Variants in DNAH10 observed in about 807,000 individuals in gnomAD.
DNAH10 encodes dynein axonemal heavy chain 10.
DNAH10 carries 348 observed loss-of-function variants against 506.6 expected under a neutral mutation model. That is an observed-to-expected ratio of 0.69 (90% CI 0.63 to 0.75). The LOEUF (loss-of-function observed/expected upper bound fraction) is 0.75, where lower values mean the gene tolerates loss of function less well. DNAH10 is among the 30% of genes least tolerant of loss of function. The pLI is 0.00. For missense variants in DNAH10, 5,179 were observed against 5,787.1 expected (o/e 0.89, Z 3.41); for synonymous variants, 2,059 against 2,198.6 (o/e 0.94, Z 1.78).
At chr12:123,883,432 A>T (rs1952596695) in intron 51 of DNAH10, among the ~76,000 whole-genome samples, 1 of 152,184 alleles carries the variant, frequency 6.6e-6, no homozygotes, top group Admixed American at 6.5e-5. Context: ...TGGAGCAGAC[A>T]CTATGCATTG....
At chr12:123,915,131 A>C in intron 62 of DNAH10, 132 bp downstream of exon 62, 5 of 1,256,510 alleles carry the variant, frequency 4.0e-6, no homozygotes, top group African/African-American at 1.5e-5. Context: ...CCTGACCCCC[A>C]TGCGGAGCCC....
chr12:123,805,810 T>C (rs1478638556), intron 18 of DNAH10, among the ~76,000 whole-genome samples: 1 of 149,686 alleles, frequency 6.7e-6, no homozygotes, highest in Non-Finnish European at 1.5e-5. Flanking sequence ...AGAGTCTCGC[T>C]CTGTCGCCCA....
Position 123,850,939 on chromosome 12 carries a change from A to G in DNAH10, c.6154A>G (p.Met2052Val), listed in dbSNP as rs952461021. The change falls in exon 35 of 79, where the codon ATG becomes GTG. Residue 2052 changes from methionine (M) to valine (V), a missense_variant. Physicochemically the swap from Met to Val is conservative, Grantham distance 21. Coordinates refer to ENST00000673944, the MANE Select transcript of DNAH10 (RefSeq NM_001372106.1). This position sits in a 1 kb window ranked among gnomAD's most constrained non-coding sequence, Gnocchi z 5.5. ...LDSRMGIFIT[M>V]NPGYAGRTEL... ...CTCCCGCATGGGCATCTTCATCACC[A>G]TGAACCCCGGCTACGCAGGCCGCAC... is the stretch of plus-strand genomic sequence containing the variant. 6.2e-7 allele frequency: 1 copy of G among 1,613,854 alleles called. No individual in the cohort carries two copies. The highest frequency in any genetic ancestry group is 8.5e-7 in the Non-Finnish European group (1 of 1,179,882).
rs373563019 is a variant in DNAH10, at chr12:123,873,680, G to C, written c.7908G>C (p.Leu2636=). 6.2e-7 allele frequency: 1 copy of C among 1,612,144 alleles called. No individual in the cohort carries two copies. Among genetic ancestry groups the C allele is most frequent in the South Asian group, 1.1e-5 (1 of 90,682 alleles). The change falls in exon 46 of 79, where the codon CTG becomes CTC. Residue 2636 remains leucine (L), a synonymous_variant. Coordinates refer to ENST00000673944, the MANE Select transcript of DNAH10 (RefSeq NM_001372106.1). ...TYGPPMGKRL[L]VFMDDMNMPR... ...GCCCACCCATGGGAAAACGCCTGCT[G>C]GTGTTCATGGATGACATGAATATGC...
At chr12:123,807,065 G>A (rs1958706115) in intron 18 of DNAH10, among the ~76,000 whole-genome samples, 2 of 152,106 alleles carry the variant, frequency 1.3e-5, no homozygotes. Context: ...ACCGCGCCTG[G>A]CCCTGCTATG....
chr12:123,848,929 T>C, intron 34 of DNAH10, 47 bp downstream of exon 34: 1 of 1,600,238 alleles, frequency 6.2e-7, no homozygotes, highest in Non-Finnish European at 8.5e-7. Context: ...GATGGAAGTT[T>C]GCCAAGTATG....
chr12:123,850,448 C>T lies in DNAH10; in HGVS notation c.6103-440C>T, dbSNP rs916751166. On this transcript the variant is annotated intron_variant, in intron 34 of 78. Coordinates refer to ENST00000673944, the MANE Select transcript of DNAH10 (RefSeq NM_001372106.1). This position sits in a 1 kb window ranked among gnomAD's most constrained non-coding sequence, Gnocchi z 5.5. ...GCCAGGTGAGAGGAATGGAAGCCGG[C>T]GCTGTGTGAGGTGGTGGGCTGGGCG... is the stretch of plus-strand genomic sequence containing the variant. Among the ~76,000 whole-genome samples the T allele has an allele frequency of 2.0e-5, 3 of 152,118 alleles. No individual in the cohort carries two copies. The highest frequency in any genetic ancestry group is 4.4e-5 in the Non-Finnish European group (3 of 68,016).
chr12:123,765,561 A>AT (rs368852149), intron 1 of DNAH10, among the ~76,000 whole-genome samples: 17,350 of 95,810 alleles, frequency 0.18, 2,052 homozygotes, highest in African/African-American at 0.37. Context: ...ATCTATCTAT[A>AT]CTTTATCTAT....
At chr12:123,832,197 T>A (rs1960633087) in intron 26 of DNAH10, among the ~76,000 whole-genome samples, 1 of 152,144 alleles carries the variant, frequency 6.6e-6, no homozygotes, top group East Asian at 1.9e-4. Context: ...CACGTACACA[T>A]AATATATATA....
chr12:123,822,539 C>G (rs932901448), intron 24 of DNAH10, among the ~76,000 whole-genome samples: 4 of 152,170 alleles, frequency 2.6e-5, no homozygotes, highest in African/African-American at 9.7e-5. Context: ...TAATCTACAT[C>G]TGTATTACAT....
Position 123,785,880 on chromosome 12 carries a change from C to G in DNAH10, c.1365C>G (p.Ile455Met), listed in dbSNP as rs767513669. Residue 455 changes from isoleucine (I) to methionine (M), a missense_variant, in exon 9 of 79, where the codon ATC (isoleucine) becomes ATG (methionine). By Grantham distance (10) the Ile-to-Met change is conservative. This residue lies in a region of DNAH10 where 4,844 missense variants were observed against 5,430.5 expected (regional missense o/e 0.89). Coordinates refer to ENST00000673944, the MANE Select transcript of DNAH10 (RefSeq NM_001372106.1). This position sits in a 1 kb window ranked among gnomAD's most constrained non-coding sequence, Gnocchi z 4.1. ...GGATGATTCCGCTCATGGAGCGCAT[C>G]GCCTGGGAAATCGCTGAGAGAGTCT... ...DERMIPLMER[I>M]AWEIAERVCR... 7 of 1,614,138 alleles carry G rather than the reference C, an allele frequency of 4.3e-6. No homozygotes were observed. The highest frequency in any genetic ancestry group is 5.9e-6 in the Non-Finnish European group (7 of 1,179,994).
At chr12:123,934,341 G>A (rs568427438) in intron 77 of DNAH10, 2 of 671,382 alleles carry the variant, frequency 3.0e-6, no homozygotes, top group Non-Finnish European at 2.7e-6. Flanking sequence ...CGTGGGCCTT[G>A]ATGCCCCAGG....
rs1485639025 is a variant in DNAH10 at position 123,813,620 on chromosome 12, A to G, written c.3601A>G (p.Asn1201Asp). 1 of 1,614,198 alleles carries G rather than the reference A, an allele frequency of 6.2e-7. No homozygotes were observed. The highest frequency in any genetic ancestry group is 1.1e-5 in the South Asian group (1 of 91,078). The change falls in exon 20 of 79, where the codon AAT becomes GAT. Residue 1201 changes from asparagine to aspartate, a missense_variant. Physicochemically the swap from Asn to Asp is conservative, Grantham distance 23. Transcript: ENST00000673944. ...LNESAKEELY[N>D]LHEEMEHLAK... ...TGAGTCAGCAAAAGAGGAGCTCTAT[A>G]ATCTCCATGAAGAGATGGAGGTACT...
intron 1 of DNAH10, among the ~76,000 whole-genome samples, chr12:123,767,244 CCTG>C (rs1448701061): frequency 1.3e-5 from 2 of 152,106 alleles, no homozygotes; most frequent in Non-Finnish European, 2.9e-5. Flanking sequence ...ATACACACGG[CCTG>C]CAATTTACAT....
chr12:123,922,566 A>T (rs943732106), intron 65 of DNAH10, among the ~76,000 whole-genome samples: 3 of 152,170 alleles, frequency 2.0e-5, no homozygotes, highest in Non-Finnish European at 4.4e-5. Context: ...TTAGTTTGCC[A>T]TGCCTGCCAT....
rs1950918574 is a variant in DNAH10 at position 123,845,607 on chromosome 12, TGGATGCTCCTGTACCAGG to T, written c.5370_5387del (p.Trp1790_Gly1796delinsCys). 6.2e-7 allele frequency: 1 copy of T among 1,612,674 alleles called. No homozygotes were observed. Among genetic ancestry groups the T allele is most frequent in the African/African-American group, 1.3e-5 (1 of 74,902 alleles). ...GGTGTGCGTTTTCTGCAGAGTCGAC[TGGATGCTCCTGTACCAGG>T]GCATGGTGGTGCTGGCCGCTAGCCA... On this transcript the variant is annotated inframe_deletion, in exon 31 of 79. Transcript: ENST00000673944.
intron 19 of DNAH10, among the ~76,000 whole-genome samples, chr12:123,812,267 C>T (rs550521501): frequency 1.1e-4 from 16 of 152,078 alleles, no homozygotes; most frequent in South Asian, 4.2e-4. Context: ...CTGGCTAACA[C>T]GGTGAAACCC....
chr12:123,933,856 C>A (rs1040103030), intron 77 of DNAH10, among the ~76,000 whole-genome samples: 1 of 152,216 alleles, frequency 6.6e-6, no homozygotes, highest in African/African-American at 2.4e-5. Context: ...CCTGACGGGG[C>A]CAGGGGCATG....
At position 123,919,051 on chromosome 12, in the gene DNAH10, A is replaced by T. The variant is rs2137552594; in HGVS notation, c.11506+102A>T. 16 of 1,340,682 alleles carry T rather than the reference A, an allele frequency of 1.2e-5. No homozygotes were observed. Among genetic ancestry groups the T allele is most frequent in the East Asian group, 4.9e-5 (2 of 40,416 alleles). The allele number at this position is 1,340,682 out of a possible 1,614,324, so 83.0% of individuals were successfully genotyped here. A position where few individuals can be genotyped will look rare whatever the true frequency, so the allele number is the denominator to read the frequency against. ...TGAAAATGGAAAGTTACCAAATAGC[A>T]TTTTTTCTTTTTTCTTTCTTTCTTT... is the stretch of plus-strand genomic sequence containing the variant. On this transcript the variant is annotated intron_variant, in intron 65 of 78. Transcript: ENST00000673944. This position sits in a 1 kb window ranked among gnomAD's most constrained non-coding sequence, Gnocchi z 4.9.
Sources: allele counts gnomAD v4.1 joint callset (sites outside exome capture counted in the v4.1 genomes callset), GRCh38; gene constraint gnomAD v4.1.1; regional missense constraint gnomAD v4.1.1; non-coding constraint Gnocchi (gnomAD v3.1); transcripts MANE v1.5; gene names NCBI Gene and HGNC (gene_info 2026-07-23, HGNC 2026-07-21).